Variants in EMSY observed in about 807,000 individuals in gnomAD.
EMSY encodes BRCA2-interacting transcriptional repressor EMSY.
A neutral mutation model predicts 134.6 loss-of-function variants in EMSY; 26 were observed. The observed-to-expected ratio is 0.19, with a 90% CI of 0.14 to 0.27. The LOEUF (loss-of-function observed/expected upper bound fraction) is 0.27. Ranked by LOEUF, EMSY falls within the 10% of genes least tolerant of loss-of-function variation. The pLI is 1.00. For missense variants in EMSY, 1,305 were observed against 1,611.4 expected, an observed-to-expected ratio of 0.81 and a Z score of 3.26; for synonymous variants, 579 against 577.8, an observed-to-expected ratio of 1.00 and a Z score of -0.03.
At chr11:76,476,123 C>A (rs1343530978) in intron 8 of EMSY, among the ~76,000 whole-genome samples, 3 of 152,194 alleles carry the variant, frequency 2.0e-5, no homozygotes, top group African/African-American at 7.2e-5. Context: ...CTGTTCAATG[C>A]ATTTCCATAA....
intron 7 of EMSY, among the ~76,000 whole-genome samples, chr11:76,467,904 G>C (rs1039714859): frequency 2.0e-5 from 3 of 151,666 alleles, no homozygotes; most frequent in African/African-American, 7.3e-5. Flanking sequence ...GCTTGAACCC[G>C]GGAGACAGAG....
intron 9 of EMSY, among the ~76,000 whole-genome samples, chr11:76,500,093 C>A (rs1353180995): frequency 4.8e-5 from 7 of 147,200 alleles, no homozygotes; most frequent in Admixed American, 1.4e-4. Context: ...AAAAAAAAAA[C>A]CAAACCCAAA....
exon 8 of EMSY, chr11:76,472,771 C>A (rs773510937): frequency 4.3e-6 from 7 of 1,614,186 alleles, no homozygotes; most frequent in Non-Finnish European, 5.9e-6. Flanking sequence ...ATCACCTATT[C>A]CTAATACAGT....
At chr11:76,477,941 T>C (rs1948829186) in intron 8 of EMSY, among the ~76,000 whole-genome samples, 1 of 152,246 alleles carries the variant, frequency 6.6e-6, no homozygotes, top group Non-Finnish European at 1.5e-5. Context: ...ATGGATTTCA[T>C]GAATTATTTA....
chr11:76,465,987 A>G (rs1220023204), intron 7 of EMSY, among the ~76,000 whole-genome samples: 1 of 152,132 alleles, frequency 6.6e-6, no homozygotes. Flanking sequence ...TCCTGCCTCG[A>G]GTAATATAAG....
At chr11:76,509,146 A>G (rs1950182953) in intron 9 of EMSY, among the ~76,000 whole-genome samples, 1 of 152,232 alleles carries the variant, frequency 6.6e-6, no homozygotes. Flanking sequence ...AGAATCATCA[A>G]AATGTGACAC....
chr11:76,535,978 A>G (rs996023386), exon 15 of EMSY: 7 of 1,606,258 alleles, frequency 4.4e-6, no homozygotes, highest in East Asian at 2.2e-5. Context: ...TAGCCCTACC[A>G]TAATTTATCA....
chr11:76,527,760 T>C (rs1950894939), intron 13 of EMSY, among the ~76,000 whole-genome samples: 1 of 151,836 alleles, frequency 6.6e-6, no homozygotes, highest in South Asian at 2.1e-4. Flanking sequence ...AATTAGGAAT[T>C]TGATTTAGTT....
intron 8 of EMSY, 53 bp downstream of exon 9, chr11:76,472,893 A>C: frequency 7.6e-6 from 12 of 1,581,212 alleles, no homozygotes; most frequent in Non-Finnish European, 1.0e-5. Flanking sequence ...TGGAATTTTG[A>C]AGAAAACTTG....
intron 8 of EMSY, among the ~76,000 whole-genome samples, chr11:76,477,158 T>A (rs990713419): frequency 2.0e-5 from 3 of 151,964 alleles, no homozygotes. Context: ...ATTTTTATTG[T>A]AGTTATTTAG....
At chr11:76,452,235 T>C (rs896942307) in intron 3 of EMSY, among the ~76,000 whole-genome samples, 6 of 152,190 alleles carry the variant, frequency 3.9e-5, no homozygotes, top group African/African-American at 1.4e-4. Context: ...TTAGCCCACC[T>C]GGATAAGGGA....
At chr11:76,457,406 C>T (rs1947917989) in intron 4 of EMSY, among the ~76,000 whole-genome samples, 1 of 152,182 alleles carries the variant, frequency 6.6e-6, no homozygotes, top group Non-Finnish European at 1.5e-5. Flanking sequence ...TTTGATATTT[C>T]AACCTCTGGT....
At chr11:76,494,574 G>A (rs143226678) in intron 8 of EMSY, among the ~76,000 whole-genome samples, 2 of 152,246 alleles carry the variant, frequency 1.3e-5, no homozygotes, top group East Asian at 3.9e-4. Flanking sequence ...GGGGAACTAT[G>A]TAAGTAATGG....
intron 8 of EMSY, among the ~76,000 whole-genome samples, chr11:76,492,985 T>G (rs1209893919): frequency 6.6e-6 from 1 of 152,102 alleles, no homozygotes; most frequent in Non-Finnish European, 1.5e-5. Context: ...AAAACCTGCC[T>G]GTGGAAAGGA....
intron 6 of EMSY, among the ~76,000 whole-genome samples, chr11:76,461,519 C>G (rs1948116188): frequency 6.6e-6 from 1 of 152,124 alleles, no homozygotes. Flanking sequence ...GGCTTTAGTT[C>G]ATAAAGAAAA....
exon 7 of EMSY, chr11:76,463,968 A>G (rs1948245712): frequency 6.2e-7 from 1 of 1,614,094 alleles, no homozygotes; most frequent in South Asian, 1.1e-5. Context: ...GGTAGTCCCA[A>G]GATGAGCAAC....
At chr11:76,447,868 A>G (rs2134700351) in intron 2 of EMSY, among the ~76,000 whole-genome samples, 1 of 152,310 alleles carries the variant, frequency 6.6e-6, no homozygotes, top group Non-Finnish European at 1.5e-5. Context: ...AGCACAATAA[A>G]TGAAATAATT....
chr11:76,472,820 T>G, exon 8 of EMSY: 1 of 1,614,066 alleles, frequency 6.2e-7, no homozygotes, highest in Non-Finnish European at 8.5e-7. Context: ...CCATCTGTGG[T>G]CATGTCAACA....
At chr11:76,544,813 G>C (rs376970939) in exon 19 of EMSY, 1 of 1,613,698 alleles carries the variant, frequency 6.2e-7, no homozygotes, top group Non-Finnish European at 8.5e-7. Flanking sequence ...AGAAACAGAC[G>C]GCAAGCCAGG....
Sources: gnomAD v4.1 joint callset for allele counts (sites outside exome capture counted in the v4.1 genomes callset) on GRCh38, gnomAD v4.1.1 for gene constraint, MANE v1.5 for transcripts, NCBI Gene and HGNC (gene_info 2026-07-23, HGNC 2026-07-21) for gene names.